The following RBL2 variants were observed in gnomAD, a reference collection of about 807,000 sequenced individuals.
RBL2 encodes the protein RB transcriptional corepressor like 2.
RBL2 carries 56 observed loss-of-function variants against 126.0 expected under a neutral mutation model. The observed-to-expected ratio is 0.44, with a 90% confidence interval of 0.36 to 0.56. RBL2 has a LOEUF of 0.56. Ranked by LOEUF, RBL2 falls within the 20% of genes least tolerant of loss-of-function variation. The pLI is 0.00. For missense variants in RBL2, 1,229 were observed against 1,398.2 expected (o/e 0.88, Z 1.93); for synonymous variants, 454 against 478.5 (o/e 0.95, Z 0.67).
chr16:53,467,383 CTTTA>C (rs758994614), intron 14 of RBL2, among the ~76,000 whole-genome samples: 17 of 151,792 alleles, frequency 1.1e-4, no homozygotes, highest in Admixed American at 1.1e-3. Context: ...GGATAGACTG[CTTTA>C]TTTATTTATT....
At chr16:53,462,416 C>A in intron 10 of RBL2, 136 bp from the exon 11 acceptor site, 1 of 517,236 alleles carries the variant, frequency 1.9e-6, no homozygotes, top group Non-Finnish European at 3.4e-6. Context: ...AATTAAAACA[C>A]CAATCATAAG....
At chr16:53,454,936 G>T in intron 8 of RBL2, 94 bp downstream of exon 8, 1 of 1,110,378 alleles carries the variant, frequency 9.0e-7, no homozygotes. Flanking sequence ...TGTTTTACTT[G>T]CCTACAGTAT....
intron 11 of RBL2, among the ~76,000 whole-genome samples, chr16:53,463,131 G>GC (rs2058238790): frequency 6.6e-6 from 1 of 152,042 alleles, no homozygotes; most frequent in Admixed American, 6.5e-5. Flanking sequence ...GTGAGCCACC[G>GC]CACCTGGCCT....
chr16:53,481,196 A>G (rs1960930932), intron 20 of RBL2: 3 of 174,416 alleles, frequency 1.7e-5, no homozygotes, highest in Non-Finnish European at 2.4e-5. Context: ...CTATTAAGTA[A>G]AACTGAGGAG....
intron 9 of RBL2, among the ~76,000 whole-genome samples, chr16:53,460,677 G>A (rs2058211055): frequency 1.3e-5 from 2 of 152,064 alleles, no homozygotes; most frequent in African/African-American, 4.8e-5. Context: ...AAAATAAAGG[G>A]TGCTATTTTT....
chr16:53,466,954 A>C, intron 13 of RBL2, 104 bp from the exon 14 acceptor site: 1 of 777,538 alleles, frequency 1.3e-6, no homozygotes, highest in Non-Finnish European at 2.1e-6. Context: ...TTTTATTTAG[A>C]TGGAATAATT....
rs1961428444 is a variant in RBL2, at chr16:53,491,233, T to TCA, written c.*933_*934insCA. 1 of 152,120 alleles carries TCA rather than the reference T, an allele frequency of 6.6e-6. No homozygotes were observed. The highest frequency in any genetic ancestry group is 1.5e-5 in the Non-Finnish European group (1 of 68,024). 9.4% of individuals were successfully genotyped at this position (152,120 alleles called of 1,614,324 possible). ...TATGACCTCTTCCTTTAGGAGGGAG[T>TCA]TATCTAAAAGAAATGTCTATTAAGG... On this transcript the variant is annotated 3_prime_UTR_variant, in exon 22 of 22. Transcript: ENST00000262133.
intron 9 of RBL2, among the ~76,000 whole-genome samples, chr16:53,460,199 C>G (rs900291025): frequency 2.6e-5 from 4 of 152,200 alleles, no homozygotes; most frequent in Admixed American, 6.5e-5. Flanking sequence ...ATCTCATCAT[C>G]TTATGCATAA....
intron 8 of RBL2, among the ~76,000 whole-genome samples, chr16:53,457,184 G>A (rs923897288): frequency 2.6e-5 from 4 of 151,450 alleles, no homozygotes; most frequent in Admixed American, 2.6e-4. Context: ...ATACAAGACC[G>A]GAGTTCACAG....
intron 19 of RBL2, 70 bp from the exon 20 acceptor site, chr16:53,480,497 A>G: frequency 7.4e-7 from 1 of 1,351,242 alleles, no homozygotes; most frequent in Middle Eastern, 2.0e-4. Context: ...CCTTTCTCCT[A>G]CTTTTAAAAA....
chr16:53,438,437 A>G (rs989076712), intron 1 of RBL2, among the ~76,000 whole-genome samples: 4 of 152,194 alleles, frequency 2.6e-5, no homozygotes, highest in South Asian at 2.1e-4. Flanking sequence ...TACCTCTGCA[A>G]TTATTGATAG....
rs1480677079 is a variant in RBL2 at position 53,453,764 on chromosome 16, G to C, written c.987G>C (p.Glu329Asp). The C allele has an allele frequency of 6.3e-7, 1 of 1,598,884 alleles. No individual in the cohort carries two copies. Among genetic ancestry groups the C allele is most frequent in the South Asian group, 1.1e-5 (1 of 89,088 alleles). ...TTCTAGAACCTGGGAACTTTGGAGA[G>C]AGTTTGTGAGTACTTCTGTATAAAA... The part of the protein sequence containing the change: ...TGFLEPGNFG[E>D]SFKAINKAYE... Residue 329 changes from glutamate to aspartate, a missense_variant, in exon 7 of 22, where the codon GAG becomes GAC. Coordinates refer to ENST00000262133, the MANE Select transcript of RBL2 (RefSeq NM_005611.4).
At chr16:53,449,472 G>A (rs962698048) in intron 4 of RBL2, 2 of 151,800 alleles carry the variant, frequency 1.3e-5, no homozygotes, top group Non-Finnish European at 2.9e-5. Context: ...GCATATGCCT[G>A]GAATCCTAGC....
intron 21 of RBL2, among the ~76,000 whole-genome samples, chr16:53,483,943 AG>A (rs200566954): frequency 1.8e-4 from 25 of 141,450 alleles, no homozygotes; most frequent in Non-Finnish European, 2.5e-4. Context: ...AAAAAAAAAA[AG>A]GTGTAAAGGT....
intron 17 of RBL2, among the ~76,000 whole-genome samples, chr16:53,477,671 G>A (rs558008217): frequency 2.6e-5 from 4 of 152,110 alleles, no homozygotes; most frequent in Non-Finnish European, 5.9e-5. Flanking sequence ...ATTCATTCCT[G>A]TGTATGTGAG....
At chr16:53,444,094 C>G (rs1407534380) in intron 3 of RBL2, among the ~76,000 whole-genome samples, 1 of 140,386 alleles carries the variant, frequency 7.1e-6, no homozygotes, top group African/African-American at 2.6e-5. Flanking sequence ...ACTAAAAATA[C>G]AAAAATTAGC....
rs774053725 is a variant in RBL2, at chr16:53,451,813, G to T, written c.748G>T (p.Val250Leu). The T allele has an allele frequency of 1.9e-6, 3 of 1,613,700 alleles. No individual in the cohort carries two copies. Among genetic ancestry groups the T allele is most frequent in the Non-Finnish European group, 2.5e-6 (3 of 1,179,770 alleles). ...ALQCSNRKEL[V>L]NPNFKGLSED... The stretch of plus-strand genomic sequence containing the variant: ...TCAGTGTTCTAATCGTAAAGAACTT[G>T]TGAACCCTAATTTTAAAGGTAGGTT... Residue 250 changes from valine (V) to leucine (L), a missense_variant, in exon 5 of 22, where the codon GTG (valine) becomes TTG (leucine). Around this residue, in one of 2 missense-constraint regions of RBL2, gnomAD observed 1,070 missense variants for 1,274.3 expected, o/e 0.84. Transcript: ENST00000262133.
At position 53,462,577 on chromosome 16, in the gene RBL2, T is replaced by C. The variant is rs1283252031; in HGVS notation, c.1482T>C (p.Phe494=). 1.3e-5 allele frequency: 21 copies of C among 1,561,004 alleles called. No individual in the cohort carries two copies. The highest frequency in any genetic ancestry group is 9.3e-5 in the East Asian group (4 of 43,136). Residue 494 remains phenylalanine, a synonymous_variant, in exon 11 of 22, where the codon TTT becomes TTC. Transcript: ENST00000262133. ...AKEIASKHFR[F]AEMLYYKVLE... ...AAATTGCCAGCAAACATTTTCGTTT[T>C]GCGGAGATGCTTTACTATAAAGTAT... is the stretch of plus-strand genomic sequence containing the variant.
rs186689358 is a variant in RBL2, at chr16:53,445,195, C to T, written c.573-1847C>T. ...TAGAAAAATTAGCTTGGAGTGGTGG[C>T]GCACACCTGTGGTCCCAGCTACTGG... On this transcript the variant is annotated intron_variant, in intron 3 of 21. Transcript: ENST00000262133. 4.3e-3 allele frequency among the ~76,000 whole-genome samples: 648 copies of T among 151,694 alleles called. 5 individuals are homozygous for T. The highest frequency in any genetic ancestry group is 5.0e-3 in the Non-Finnish European group (341 of 67,890).
Sources: allele counts gnomAD v4.1 joint callset (sites outside exome capture counted in the v4.1 genomes callset), GRCh38; gene constraint gnomAD v4.1.1; regional missense constraint gnomAD v4.1.1; transcripts MANE v1.5; gene names NCBI Gene and HGNC (gene_info 2026-07-23, HGNC 2026-07-21).